Variants in CUX1 observed in about 807,000 individuals in gnomAD.
CUX1 encodes protein CASP.
Under a neutral mutation model 158.8 loss-of-function variants are expected in CUX1, and 31 were observed. The observed-to-expected ratio is 0.20, with a 90% CI of 0.15 to 0.26. CUX1 has a LOEUF of 0.26. Among genes scored for constraint, CUX1 ranks in the 10% least tolerant of loss-of-function variants. CUX1 has a pLI of 1.00. For synonymous variants in CUX1, 879 were observed against 862.1 expected, an observed-to-expected ratio of 1.02 and a Z score of -0.34; for missense variants, 1,589 against 2,014.6, an observed-to-expected ratio of 0.79 and a Z score of 4.04.
chr7:101,938,912 A>G (rs1407515623), intron 2 of CUX1, among the ~76,000 whole-genome samples: 1 of 151,394 alleles, frequency 6.6e-6, no homozygotes, highest in Admixed American at 6.6e-5. Context: ...ATGGTGGTGT[A>G]TGTCTGTAAT....
chr7:101,949,003 C>T (rs184840674), intron 2 of CUX1, among the ~76,000 whole-genome samples: 7 of 152,264 alleles, frequency 4.6e-5, no homozygotes, highest in South Asian at 2.1e-4. Context: ...AGCAATTTAA[C>T]GTGACGGTGA....
intron 2 of CUX1, among the ~76,000 whole-genome samples, chr7:101,918,908 A>G (rs548211984): frequency 6.6e-6 from 1 of 152,162 alleles, no homozygotes; most frequent in South Asian, 2.1e-4. Context: ...TCAGCCTCCC[A>G]AGTAGCTGGG....
At chr7:101,987,913 G>A (rs111664948) in intron 2 of CUX1, among the ~76,000 whole-genome samples, 9 of 152,358 alleles carry the variant, frequency 5.9e-5, no homozygotes, top group African/African-American at 2.2e-4. Context: ...CTCTGTTGGT[G>A]TAAGAAGCGT....
At chr7:102,177,112 C>G (rs1055882134) in intron 10 of CUX1, among the ~76,000 whole-genome samples, 7 of 151,872 alleles carry the variant, frequency 4.6e-5, no homozygotes, top group Non-Finnish European at 1.0e-4. Context: ...TCTTTTAATT[C>G]TTTTATTAAA....
chr7:101,924,631 T>C (rs1490733602), intron 2 of CUX1, among the ~76,000 whole-genome samples: 1 of 151,824 alleles, frequency 6.6e-6, no homozygotes, highest in Non-Finnish European at 1.5e-5. Context: ...AGTGGCATGA[T>C]CTCAGCTCAC....
chr7:102,031,957 T>C (rs1820837299), intron 3 of CUX1, among the ~76,000 whole-genome samples: 2 of 150,736 alleles, frequency 1.3e-5, no homozygotes, highest in East Asian at 3.9e-4. Context: ...GGGGTCTGGC[T>C]CTATCACCCA....
intron 1 of CUX1, among the ~76,000 whole-genome samples, chr7:101,832,814 C>T (rs1027077238): frequency 2.0e-5 from 3 of 152,098 alleles, no homozygotes; most frequent in East Asian, 1.9e-4. Flanking sequence ...CGCGTCGGAG[C>T]GGCTGCACAG....
chr7:102,079,728 A>T (rs1554477923), intron 4 of CUX1, among the ~76,000 whole-genome samples: 1 of 152,138 alleles, frequency 6.6e-6, no homozygotes. Flanking sequence ...AAACATTTTC[A>T]TTCATGTGAT....
intron 4 of CUX1, among the ~76,000 whole-genome samples, chr7:102,089,994 T>G (rs1828365078): frequency 6.6e-6 from 1 of 152,216 alleles, no homozygotes; most frequent in African/African-American, 2.4e-5. Flanking sequence ...AATAGTTGTT[T>G]CATTGACTTT....
chr7:102,137,861 C>T (rs1834063575), intron 8 of CUX1, among the ~76,000 whole-genome samples: 2 of 151,950 alleles, frequency 1.3e-5, no homozygotes, highest in African/African-American at 2.4e-5. Context: ...ATTAGTCTGG[C>T]TTCAAACCTT....
At chr7:102,077,638 AT>A (rs533454755) in intron 4 of CUX1, among the ~76,000 whole-genome samples, 47 of 152,140 alleles carry the variant, frequency 3.1e-4, no homozygotes, top group African/African-American at 1.1e-3. Flanking sequence ...TAAGAAAAAA[AT>A]AAACAAGTAA....
At chr7:102,273,281 C>A in intron 14 of CUX1, 1 of 1,534,426 alleles carries the variant, frequency 6.5e-7, no homozygotes, top group Non-Finnish European at 8.8e-7. Context: ...GCTTCCAGAC[C>A]GTGGGTTGGA....
chr7:101,919,541 C>T (rs1371800371), intron 2 of CUX1, among the ~76,000 whole-genome samples: 4 of 152,212 alleles, frequency 2.6e-5, no homozygotes, highest in African/African-American at 9.6e-5. Context: ...ACATACCTTC[C>T]AGGGCACAGC....
At chr7:101,908,893 A>G (rs914462302) in intron 1 of CUX1, among the ~76,000 whole-genome samples, 4 of 152,220 alleles carry the variant, frequency 2.6e-5, no homozygotes, top group African/African-American at 9.7e-5. Flanking sequence ...ATTTGACCAC[A>G]GCCACACAGG....
At chr7:102,237,826 A>G (rs1469713662) in intron 22 of CUX1, among the ~76,000 whole-genome samples, 3 of 152,250 alleles carry the variant, frequency 2.0e-5, no homozygotes, top group Non-Finnish European at 2.9e-5. Flanking sequence ...TTTATTGGAT[A>G]CAAGACAAAG....
intron 1 of CUX1, among the ~76,000 whole-genome samples, chr7:101,892,713 G>A (rs1801025644): frequency 6.6e-6 from 1 of 151,854 alleles, no homozygotes; most frequent in Non-Finnish European, 1.5e-5. Context: ...TTTCATTTTT[G>A]TGTATAATTT....
At chr7:101,919,817 G>T (rs937926221) in intron 2 of CUX1, among the ~76,000 whole-genome samples, 2 of 152,214 alleles carry the variant, frequency 1.3e-5, no homozygotes, top group Admixed American at 1.3e-4. Context: ...GAGGGAAAAG[G>T]TGGGCTGTGA....
At chr7:102,069,702 C>T (rs919835997) in intron 3 of CUX1, among the ~76,000 whole-genome samples, 2 of 152,170 alleles carry the variant, frequency 1.3e-5, no homozygotes, top group African/African-American at 2.4e-5. Context: ...GAGCTGAGAT[C>T]GTGCTACTGC....
chr7:102,249,429 G>C lies in CUX1; in HGVS notation c.*387G>C, dbSNP rs1245504381. On this transcript the variant is annotated 3_prime_UTR_variant, in exon 24 of 24. Coordinates refer to ENST00000292535, the MANE Select transcript of CUX1 (RefSeq NM_181552.4). Reference sequence around the variant, plus strand: ...GAGCATTAAGCCCAATCTATGTCGTGTTTTCAAGGAAGAAAACGGAAATGT... The same window carrying C: ...GAGCATTAAGCCCAATCTATGTCGTCTTTTCAAGGAAGAAAACGGAAATGT... 7 of 986,936 alleles carry C rather than the reference G, an allele frequency of 7.1e-6. No homozygotes were observed. Among genetic ancestry groups the C allele is most frequent in the East Asian group, 1.1e-4 (1 of 8,872 alleles). 61.1% of individuals were successfully genotyped at this position (986,936 alleles called of 1,614,324 possible).
Sources: allele counts gnomAD v4.1 joint callset (sites outside exome capture counted in the v4.1 genomes callset), GRCh38; gene constraint gnomAD v4.1.1; transcripts MANE v1.5; gene names NCBI Gene and HGNC (gene_info 2026-07-23, HGNC 2026-07-21).